FAM234A: variants seen among roughly 807,000 people sequenced by gnomAD.
FAM234A encodes the protein protein FAM234A.
In FAM234A, 42 loss-of-function variants were observed where a neutral mutation model predicts 49.1. That is an observed-to-expected ratio of 0.86 (90% CI 0.67 to 1.11). The LOEUF (loss-of-function observed/expected upper bound fraction) is 1.11, where lower values mean the gene tolerates loss of function less well. Ranked by LOEUF, FAM234A falls within the 50% of genes least tolerant of loss-of-function variation. FAM234A has a pLI of 0.00. For missense variants in FAM234A, 815 were observed against 745.2 expected, an observed-to-expected ratio of 1.09 and a Z score of -1.09; for synonymous variants, 369 against 316.2, an observed-to-expected ratio of 1.17 and a Z score of -1.77.
chr16:266,337 G>A (rs2051692113), downstream of FAM234A, among the ~76,000 whole-genome samples: 1 of 152,212 alleles, frequency 6.6e-6, no homozygotes, highest in Admixed American at 6.5e-5. Flanking sequence ...TGCCCACCAA[G>A]CTGGGCACCC....
At position 260,033 on chromosome 16, in the gene FAM234A, G is replaced by C. The variant is rs1333420423; in HGVS notation, c.450G>C (p.Glu150Asp). 1.2e-6 allele frequency: 2 copies of C among 1,613,676 alleles called. No individual in the cohort carries two copies. The highest frequency in any genetic ancestry group is 3.3e-5 in the Admixed American group (2 of 60,034). ...VSGANGSTLW[E>D]RPVAQDVALV... The stretch of plus-strand genomic sequence containing the variant: ...GGGCCAACGGCAGCACGCTCTGGGA[G>C]AGACCTGTGGCCCAAGACGTGGCCC... Residue 150 changes from glutamate to aspartate, a missense_variant, in exon 5 of 13, where the codon GAG becomes GAC. Transcript: ENST00000399932.
chr16:243,253 A>G (rs2050681941), intron 1 of FAM234A, among the ~76,000 whole-genome samples: 1 of 152,188 alleles, frequency 6.6e-6, no homozygotes, highest in Non-Finnish European at 1.5e-5. Flanking sequence ...CACTAGGATT[A>G]TAGGCGTGAA....
In FAM234A at chr16:263,305, G is replaced by C. The variant is rs774996392; in HGVS notation, c.1015G>C (p.Gly339Arg). 1.9e-6 allele frequency: 3 copies of C among 1,613,074 alleles called. No individual in the cohort carries two copies. Among genetic ancestry groups the C allele is most frequent in the African/African-American group, 1.3e-5 (1 of 74,940 alleles). Residue 339 changes from glycine (G) to arginine (R), a missense_variant, in exon 9 of 13, where the codon GGT becomes CGT. Physicochemically the swap from Gly to Arg is moderately radical, Grantham distance 125 (BLOSUM62 -2). Coordinates refer to ENST00000399932, the MANE Select transcript of FAM234A (RefSeq NM_032039.4). ...RYLMHVPGNA[G>R]ADVLLVGSEA... ...CCTGATGCATGTCCCAGGGAACGCC[G>C]GTGCAGATGTGCTTCTTGTGGGCTC...
chr16:269,405 A>C (rs1176541303), downstream of FAM234A: 5 of 1,594,528 alleles, frequency 3.1e-6, no homozygotes, highest in Non-Finnish European at 4.3e-6. Context: ...AAGGCGGCTG[A>C]GAACAGGCTG....
intron 4 of FAM234A, 26 bp downstream of exon 4, chr16:259,625 C>CGG (rs769999634): frequency 7.3e-7 from 1 of 1,375,180 alleles, no homozygotes; most frequent in East Asian, 2.3e-5. Flanking sequence ...ATGAAAAAGG[C>CGG]GGAGCTCCCT....
intron 2 of FAM234A, among the ~76,000 whole-genome samples, chr16:250,671 A>G (rs139446574): frequency 9.3e-4 from 142 of 151,878 alleles, no homozygotes; most frequent in Middle Eastern, 3.4e-3. Context: ...CATCACCACT[A>G]TTTTCATCAT....
At chr16:257,301 A>G (rs2141305841) in intron 3 of FAM234A, among the ~76,000 whole-genome samples, 1 of 126,424 alleles carries the variant, frequency 7.9e-6, no homozygotes, top group East Asian at 2.4e-4. Context: ...TGGAGAGTGC[A>G]GTGGCGCGAT....
chr16:268,060 C>T (rs2051753268), downstream of FAM234A, among the ~76,000 whole-genome samples: 1 of 149,564 alleles, frequency 6.7e-6, no homozygotes, highest in African/African-American at 2.5e-5. Context: ...GTGCTACACA[C>T]AATCACACAT....
rs569580944 is a variant in FAM234A at position 248,036 on chromosome 16, G to A, written c.-139-1513G>A. Among the ~76,000 whole-genome samples, 14 of 152,138 alleles carry A rather than the reference G, an allele frequency of 9.2e-5. No individual in the cohort carries two copies. The South Asian group carries it at 1.9e-3, about 20-fold the overall frequency. ...AAGTCAATTGCCTGCATTGTTTTGC[G>A]TCCCGTAATGGGGCTTTGCCTTCTG... On this transcript the variant is annotated intron_variant, in intron 1 of 12. Coordinates refer to ENST00000399932, the MANE Select transcript of FAM234A (RefSeq NM_032039.4).
At chr16:248,582 C>T (rs2050895298) in intron 1 of FAM234A, among the ~76,000 whole-genome samples, 1 of 151,976 alleles carries the variant, frequency 6.6e-6, no homozygotes, top group Admixed American at 6.6e-5. Context: ...AGCCTGGGAG[C>T]CACAAGATGA....
Position 259,962 on chromosome 16 carries a change from C to T in FAM234A, c.386-7C>T, listed in dbSNP as rs2051392101. 1 of 1,611,382 alleles carries T rather than the reference C, an allele frequency of 6.2e-7. No individual in the cohort carries two copies. Among genetic ancestry groups the T allele is most frequent in the African/African-American group, 1.3e-5 (1 of 75,030 alleles). ...CAACAGTGAGGTGCCGGTGTCTCTC[C>T]CTACAGGCTTTTCCTCTCCCTGCAC... On this transcript the variant is annotated splice_polypyrimidine_tract_variant and splice_region_variant and intron_variant, in intron 4 of 12. Coordinates refer to ENST00000399932, the MANE Select transcript of FAM234A (RefSeq NM_032039.4).
At chr16:269,889 C>A, downstream of FAM234A, 1 of 341,472 alleles carries the variant, frequency 2.9e-6, no homozygotes, top group African/African-American at 2.1e-5. Context: ...TCCGTGTGCC[C>A]CACAGAGTGA....
chr16:237,941 T>C (rs1310410973), intron 1 of FAM234A, among the ~76,000 whole-genome samples: 7 of 152,140 alleles, frequency 4.6e-5, no homozygotes, highest in Non-Finnish European at 1.5e-5. Flanking sequence ...TGGCCTCAGG[T>C]GATCCTCCCG....
intron 3 of FAM234A, among the ~76,000 whole-genome samples, chr16:256,740 A>AT (rs373856766): frequency 0.18 from 20,342 of 113,686 alleles, 1,837 homozygotes; most frequent in East Asian, 0.32. Context: ...TGCCTGGCTA[A>AT]TTTTTTTTTT....
rs372571002 is a variant in FAM234A at position 264,987 on chromosome 16, C to T, written c.1624C>T (p.Arg542Trp). The change falls in exon 13 of 13, where the codon CGG (arginine) becomes TGG (tryptophan). Residue 542 changes from arginine to tryptophan, a missense_variant. By Grantham distance (101) the Arg-to-Trp change is moderately radical. Coordinates refer to ENST00000399932, the MANE Select transcript of FAM234A (RefSeq NM_032039.4). ...AGACAGTGACCAAGCCATCAGGGACCGGTTCTCCCGGCTGCGGTACCAGAG... is the reference window on the plus strand; with the variant it reads ...AGACAGTGACCAAGCCATCAGGGACTGGTTCTCCCGGCTGCGGTACCAGAG... ...GPDSDQAIRD[R>W]FSRLRYQSEA 77 of 1,610,924 alleles carry T rather than the reference C, an allele frequency of 4.8e-5. No individual in the cohort carries two copies. Among genetic ancestry groups the T allele is most frequent in the Non-Finnish European group, 5.8e-5 (68 of 1,178,614 alleles).
rs958276212 is a variant in FAM234A at position 264,650 on chromosome 16, C to T, written c.1381C>T (p.His461Tyr). The T allele has an allele frequency of 1.2e-6, 2 of 1,611,880 alleles. No homozygotes were observed. Among genetic ancestry groups the T allele is most frequent in the Non-Finnish European group, 1.7e-6 (2 of 1,179,956 alleles). Residue 461 changes from histidine (H) to tyrosine (Y), a missense_variant, in exon 12 of 13, where the codon CAC becomes TAC. Transcript: ENST00000399932. ...GGCCCGGCACAGCCTGTACATGTTC[C>T]ACCCCACCCTGCCGCGCGTGCTGCT... Reference protein sequence around the residue: ...GEARHSLYMFHPTLPRVLLEL... With the variant: ...GEARHSLYMFYPTLPRVLLEL...
chr16:256,943 T>C (rs1204469396), intron 3 of FAM234A, among the ~76,000 whole-genome samples: 1 of 152,104 alleles, frequency 6.6e-6, no homozygotes, highest in Admixed American at 6.6e-5. Flanking sequence ...GGTTTCTCCA[T>C]GTTGGTCAGG....
intron 1 of FAM234A, among the ~76,000 whole-genome samples, chr16:242,955 A>C (rs1241750095): frequency 6.6e-6 from 1 of 150,772 alleles, no homozygotes; most frequent in East Asian, 2.0e-4. Context: ...TGTATTGACA[A>C]ATTTTCTTTT....
At chr16:259,460 T>C in intron 3 of FAM234A, 23 bp from the exon 4 acceptor site, 1 of 1,346,598 alleles carries the variant, frequency 7.4e-7, no homozygotes, top group Non-Finnish European at 1.1e-6. Flanking sequence ...CCGCGGAGTA[T>C]AGTCTGTGGT....
Sources: gnomAD v4.1 joint callset for allele counts (sites outside exome capture counted in the v4.1 genomes callset) on GRCh38, gnomAD v4.1.1 for gene constraint, MANE v1.5 for transcripts, NCBI Gene and HGNC (gene_info 2026-07-23, HGNC 2026-07-21) for gene names.